The following CAPN15 variants were observed in gnomAD, a reference collection of about 807,000 sequenced individuals.
The protein encoded by CAPN15 is calpain 15.
In CAPN15, 53 loss-of-function variants were observed where a neutral mutation model predicts 97.9. The ratio of observed to expected loss-of-function variants is 0.54; its 90% CI spans 0.43 to 0.68. The LOEUF is 0.68. Among genes scored for constraint, CAPN15 ranks in the 30% least tolerant of loss-of-function variants. The pLI, the probability that CAPN15 is intolerant of heterozygous loss-of-function variation, is 0.00. For missense variants in CAPN15, 1,592 were observed against 1,589.8 expected (o/e 1.00, Z -0.02); for synonymous variants, 922 against 722.5 (o/e 1.28, Z -4.43).
At chr16:540,999 G>T (rs2034073470) in intron 3 of CAPN15, among the ~76,000 whole-genome samples, 1 of 152,228 alleles carries the variant, frequency 6.6e-6, no homozygotes. Flanking sequence ...GGGCCTCGGG[G>T]CCAGTGCTGC....
At position 547,273 on chromosome 16, in the gene CAPN15, G is replaced by A; in HGVS notation, c.435G>A (p.Gly145=). ...AGGAGGGAGCGGCGGAGCCCAGAGG[G>A]GGCTGGGCGTGTCCGCGTTGCACGC... is the stretch of plus-strand genomic sequence containing the variant. ...EEEEGAAEPR[G]GWACPRCTLH... Residue 145 remains glycine (G), a synonymous_variant, in exon 4 of 14, where the codon GGG becomes GGA. Transcript: ENST00000219611. 1 of 1,509,386 alleles carries A rather than the reference G, an allele frequency of 6.6e-7. No individual in the cohort carries two copies. Among genetic ancestry groups the A allele is most frequent in the East Asian group, 2.4e-5 (1 of 40,920 alleles). 93.5% of individuals were successfully genotyped at this position (1,509,386 alleles called of 1,614,324 possible).
intron 1 of CAPN15, among the ~76,000 whole-genome samples, chr16:530,197 C>T (rs1283038860): frequency 1.3e-5 from 2 of 152,246 alleles, no homozygotes; most frequent in Non-Finnish European, 2.9e-5. Context: ...TGGTCCCTGG[C>T]TCCCCACTGT....
At position 535,992 on chromosome 16, in the gene CAPN15, T is replaced by C. The variant is rs1452999922; in HGVS notation, c.-136-37T>C. ...GCCTGGGCACACTCCTTGGTGACAG[T>C]GCCCCTGCACGCCCCCCCCCCCCCC... On this transcript the variant is annotated intron_variant, in intron 2 of 13. Transcript: ENST00000219611. The surrounding 1 kb of genome is among the most constrained non-coding windows in gnomAD (Gnocchi z 6.2). The C allele has an allele frequency of 2.3e-6, 1 of 437,564 alleles. No individual in the cohort carries two copies. Among genetic ancestry groups the C allele is most frequent in the Non-Finnish European group, 2.7e-6 (1 of 364,498 alleles). 27.1% of individuals were successfully genotyped at this position (437,564 alleles called of 1,614,324 possible). A position where few individuals can be genotyped will look rare whatever the true frequency, so the allele number is the denominator to read the frequency against.
Position 549,272 on chromosome 16 carries a change from C to T in CAPN15, c.1659-16C>T, listed in dbSNP as rs756356833. On this transcript the variant is annotated splice_polypyrimidine_tract_variant and intron_variant, in intron 5 of 13. Transcript: ENST00000219611. ...CGGCCGCGGTCCCCGCGAGGTCACC[C>T]TGAGGCTCTGCGCAGGTTCCTGAGC... 2 of 1,573,942 alleles carry T rather than the reference C, an allele frequency of 1.3e-6. No individual in the cohort carries two copies. The highest frequency in any genetic ancestry group is 1.7e-6 in the Non-Finnish European group (2 of 1,166,836).
At chr16:530,008 G>T (rs1223579474) in intron 1 of CAPN15, among the ~76,000 whole-genome samples, 1 of 152,224 alleles carries the variant, frequency 6.6e-6, no homozygotes, top group Non-Finnish European at 1.5e-5. Context: ...GGAGTGCCCA[G>T]AAGCCCAGTG....
At position 547,574 on chromosome 16, in the gene CAPN15, C is replaced by T. The variant is rs745827056; in HGVS notation, c.736C>T (p.Arg246Cys). The T allele has an allele frequency of 4.4e-6, 7 of 1,584,442 alleles. No individual in the cohort carries two copies. In the East Asian group the frequency reaches 6.7e-5, roughly 15 times the overall value. The stretch of plus-strand genomic sequence containing the variant: ...CACCCTGCAGAACAACCCCGTGCCG[C>T]GCAGCCGACGCGAGGTTCCCCCCCA... ...SSTLQNNPVP[R>C]SRREVPPQLQ... The change falls in exon 4 of 14, where the codon CGC becomes TGC. Residue 246 changes from arginine to cysteine, a missense_variant. Coordinates refer to ENST00000219611, the MANE Select transcript of CAPN15 (RefSeq NM_005632.3).
chr16:530,105 A>G (rs1025359871), intron 1 of CAPN15, among the ~76,000 whole-genome samples: 2 of 152,168 alleles, frequency 1.3e-5, no homozygotes, highest in African/African-American at 4.8e-5. Context: ...GCTGTGCCTC[A>G]GCTGTGTGGA....
rs756333545 is a variant in CAPN15, at chr16:552,591, G to GC, written c.2738-11dup. On this transcript the variant is annotated splice_polypyrimidine_tract_variant and intron_variant, in intron 11 of 13. Transcript: ENST00000219611. This position sits in a 1 kb window ranked among gnomAD's most constrained non-coding sequence, Gnocchi z 6.4. ...CCACGGGGAGGGCTGCGGTTCACAC[G>GC]CCCGTCCTTGTAGCCTCCAGCCCCT... is the stretch of plus-strand genomic sequence containing the variant. 3.3e-5 allele frequency: 51 copies of GC among 1,547,096 alleles called. No individual in the cohort carries two copies. The East Asian group carries it at 5.8e-4, about 17-fold the overall frequency.
intron 3 of CAPN15, among the ~76,000 whole-genome samples, chr16:544,500 G>A (rs889664869): frequency 3.0e-4 from 46 of 152,270 alleles, no homozygotes; most frequent in African/African-American, 1.1e-3. Flanking sequence ...GGGTGCTGCT[G>A]TCCCGGCTGC....
rs1265734656 is a variant in CAPN15, at chr16:552,653, G to A, written c.2786G>A (p.Gly929Asp). The A allele has an allele frequency of 1.3e-6, 2 of 1,539,282 alleles. No individual in the cohort carries two copies. The highest frequency in any genetic ancestry group is 1.7e-6 in the Non-Finnish European group (2 of 1,143,592). The change falls in exon 12 of 14, where the codon GGC (glycine) becomes GAC (aspartate). Residue 929 changes from glycine (G) to aspartate (D), a missense_variant. Gly to Asp is a moderately conservative substitution (Grantham distance 94). This residue lies in a region of CAPN15 where 644 missense variants were observed against 699.6 expected (regional missense o/e 0.92). Transcript: ENST00000219611. This position sits in a 1 kb window ranked among gnomAD's most constrained non-coding sequence, Gnocchi z 6.4. ...GVPRASPEPPGHVLAVYSSRL... is the reference protein window; with the variant it reads ...GVPRASPEPPDHVLAVYSSRL... ...CCGAGAGCCTCCCCAGAGCCGCCGGGCCACGTGCTGGCTGTGTACAGCTCG... is the reference window on the plus strand; with the variant it reads ...CCGAGAGCCTCCCCAGAGCCGCCGGACCACGTGCTGGCTGTGTACAGCTCG...
intron 3 of CAPN15, among the ~76,000 whole-genome samples, chr16:546,330 C>T (rs1228089628): frequency 6.6e-6 from 1 of 152,238 alleles, no homozygotes; most frequent in Non-Finnish European, 1.5e-5. Context: ...GCAGAGCAGC[C>T]AGTCTGTCTC....
intron 3 of CAPN15, among the ~76,000 whole-genome samples, chr16:544,339 G>C (rs111857694): frequency 6.6e-6 from 1 of 152,138 alleles, no homozygotes; most frequent in South Asian, 2.1e-4. Flanking sequence ...CGGGGCATCT[G>C]TGTTTCTCGG....
rs7196821 is a variant in CAPN15 at position 552,046 on chromosome 16, T to C, written c.2346-5T>C. The C allele has an allele frequency of 0.93, 1,436,899 of 1,547,788 alleles. 667,457 individuals are homozygous for C. Among genetic ancestry groups the C allele is most frequent in the East Asian group, 1 (40,896 of 40,906 alleles). On this transcript the variant is annotated splice_polypyrimidine_tract_variant and splice_region_variant and intron_variant, in intron 9 of 13. Coordinates refer to ENST00000219611, the MANE Select transcript of CAPN15 (RefSeq NM_005632.3). The surrounding 1 kb of genome is among the most constrained non-coding windows in gnomAD (Gnocchi z 6.4). ...CTCAGGGCCCCGTCCTCCCGCCACC[T>C]GCAGGTACTTCGACTCCGTGGACAT...
intron 3 of CAPN15, chr16:540,306 G>A: frequency 2.0e-6 from 2 of 985,560 alleles, no homozygotes; most frequent in Non-Finnish European, 2.4e-6. Context: ...GCGGCCCAGG[G>A]GGGCCCGTCT....
chr16:553,954 C>T lies in CAPN15; in HGVS notation c.*438C>T. 1 of 188,780 alleles carries T rather than the reference C, an allele frequency of 5.3e-6. No individual in the cohort carries two copies. 11.7% of individuals were successfully genotyped at this position (188,780 alleles called of 1,614,324 possible). On this transcript the variant is annotated 3_prime_UTR_variant, in exon 14 of 14. Transcript: ENST00000219611. The stretch of plus-strand genomic sequence containing the variant: ...CCTCACGGGGCATAAGGTCAGTTTT[C>T]CCCCAGAGCCCGGGTCCCTGTCCCC...
At chr16:529,796 C>T (rs763712243) in intron 1 of CAPN15, among the ~76,000 whole-genome samples, 4 of 152,226 alleles carry the variant, frequency 2.6e-5, no homozygotes, top group Non-Finnish European at 5.9e-5. Context: ...GGTGACTTGT[C>T]AGGTCTGTGT....
rs1331129015 is a variant in CAPN15, at chr16:554,412, C to G, written c.*896C>G. ...CTCGCCCCCACTCCCCCTCCTACCC[C>G]GGCAGGGGCTTCCGGGGCCTTTTCA... On this transcript the variant is annotated 3_prime_UTR_variant, in exon 14 of 14. Transcript: ENST00000219611. The G allele has an allele frequency of 2.3e-6, 1 of 432,882 alleles. No homozygotes were observed. 26.8% of individuals were successfully genotyped at this position (432,882 alleles called of 1,614,324 possible). A position where few individuals can be genotyped will look rare whatever the true frequency, so the allele number is the denominator to read the frequency against.
chr16:529,285 C>T (rs1052353297), intron 1 of CAPN15, among the ~76,000 whole-genome samples: 5 of 152,132 alleles, frequency 3.3e-5, no homozygotes, highest in Non-Finnish European at 7.4e-5. Context: ...CTCCACAGAC[C>T]GTGGTCTCTG....
chr16:552,931 C>T lies in CAPN15; in HGVS notation c.2973C>T (p.Asn991=). The T allele has an allele frequency of 6.2e-7, 1 of 1,611,900 alleles. No individual in the cohort carries two copies. Among genetic ancestry groups the T allele is most frequent in the Non-Finnish European group, 8.5e-7 (1 of 1,179,458 alleles). The change falls in exon 13 of 14, where the codon AAC becomes AAT. Residue 991 remains asparagine, a synonymous_variant. Transcript: ENST00000219611. This position sits in a 1 kb window ranked among gnomAD's most constrained non-coding sequence, Gnocchi z 6.4. The part of the protein sequence containing the change: ...GWAGLIVVVE[N]RHPKAYLHVQ... ...CGGGGCTCATCGTGGTGGTGGAGAA[C>T]CGACACCCCAAGGCCTACCTGCACG... is the stretch of plus-strand genomic sequence containing the variant.
Sources: allele counts gnomAD v4.1 joint callset (sites outside exome capture counted in the v4.1 genomes callset), GRCh38; gene constraint gnomAD v4.1.1; regional missense constraint gnomAD v4.1.1; non-coding constraint Gnocchi (gnomAD v3.1); transcripts MANE v1.5; gene names NCBI Gene and HGNC (gene_info 2026-07-23, HGNC 2026-07-21).